Variants in HS3ST3A1 observed in about 807,000 individuals in gnomAD.
The protein encoded by HS3ST3A1 is heparan sulfate glucosamine 3-O-sulfotransferase 3A1.
A neutral mutation model predicts 25.7 loss-of-function variants in HS3ST3A1; 19 were observed. That is an observed-to-expected ratio of 0.74 (90% CI 0.52 to 1.08). The LOEUF is 1.08. Among genes scored for constraint, HS3ST3A1 ranks in the 50% least tolerant of loss-of-function variants. The pLI, the probability that HS3ST3A1 is intolerant of heterozygous loss-of-function variation, is 0.00. For missense variants in HS3ST3A1, 459 were observed against 594.3 expected, an observed-to-expected ratio of 0.77 and a Z score of 2.37; for synonymous variants, 226 against 278.6, an observed-to-expected ratio of 0.81 and a Z score of 1.88.
intron 1 of HS3ST3A1, among the ~76,000 whole-genome samples, chr17:13,553,458 G>T (rs186648735): frequency 3.7e-4 from 57 of 152,274 alleles, no homozygotes; most frequent in African/African-American, 1.2e-3. Flanking sequence ...CTTTGATGAG[G>T]ATACTGTGCC....
intron 1 of HS3ST3A1, among the ~76,000 whole-genome samples, chr17:13,526,477 TATATATATA>T (rs1567614518): frequency 2.3e-4 from 8 of 35,236 alleles, no homozygotes; most frequent in East Asian, 1.1e-3. Context: ...TTAATTTTTA[TATATATATA>T]TATATATATA....
rs753376054 is a variant in HS3ST3A1 at position 13,496,829 on chromosome 17, C to G, written c.600-11G>C. On this transcript the variant is annotated splice_polypyrimidine_tract_variant and intron_variant, in intron 1 of 1. Transcript: ENST00000284110. Reference sequence around the variant, plus strand: ...CTGGGCATCAGGTCCCTGAGAAACGCAAAAAGGCATGTCAGAGATGTGCAG... The same window carrying G: ...CTGGGCATCAGGTCCCTGAGAAACGGAAAAAGGCATGTCAGAGATGTGCAG... The G allele has an allele frequency of 1.2e-6, 2 of 1,607,078 alleles. No individual in the cohort carries two copies. The highest frequency in any genetic ancestry group is 1.7e-6 in the Non-Finnish European group (2 of 1,176,556).
chr17:13,498,316 G>A (rs908121361), intron 1 of HS3ST3A1, among the ~76,000 whole-genome samples: 1 of 152,078 alleles, frequency 6.6e-6, no homozygotes, highest in Non-Finnish European at 1.5e-5. Flanking sequence ...CAAAGTGAAG[G>A]CCTCAAAAGC....
At chr17:13,514,451 T>A (rs1450476307) in intron 1 of HS3ST3A1, among the ~76,000 whole-genome samples, 1 of 152,250 alleles carries the variant, frequency 6.6e-6, no homozygotes, top group Non-Finnish European at 1.5e-5. Context: ...TTTAAAATTA[T>A]GAACAAGTAC....
intron 1 of HS3ST3A1, among the ~76,000 whole-genome samples, chr17:13,570,594 C>T (rs1267889772): frequency 6.6e-6 from 1 of 152,192 alleles, no homozygotes; most frequent in Non-Finnish European, 1.5e-5. Flanking sequence ...GATCCCCCCA[C>T]CTCAGCCAGA....
Position 13,601,857 on chromosome 17 carries a change from C to CGCGGGACCTGTCA in HS3ST3A1, c.-741_-729dup, listed in dbSNP as rs1189615034. The CGCGGGACCTGTCA allele has an allele frequency of 6.5e-6, 1 of 153,052 alleles. No individual in the cohort carries two copies. The highest frequency in any genetic ancestry group is 6.5e-5 in the Admixed American group (1 of 15,288). The allele number at this position is 153,052 out of a possible 1,614,324, so 9.5% of individuals were successfully genotyped here. A position where few individuals can be genotyped will look rare whatever the true frequency, so the allele number is the denominator to read the frequency against. ...CGCGTGGCTGGGCTGGGCTGGGCTG[C>CGCGGGACCTGTCA]GCGGGACCTGTCAGCGGCCCCCGCC... On this transcript the variant is annotated 5_prime_UTR_variant, in exon 1 of 2. Transcript: ENST00000284110.
intron 1 of HS3ST3A1, among the ~76,000 whole-genome samples, chr17:13,514,197 T>C (rs1284948968): frequency 1.3e-5 from 2 of 152,072 alleles, no homozygotes; most frequent in East Asian, 3.8e-4. Flanking sequence ...CCTTGTCTTT[T>C]AGGTAGCAAA....
At chr17:13,522,312 A>G (rs959281527) in intron 1 of HS3ST3A1, among the ~76,000 whole-genome samples, 4 of 151,302 alleles carry the variant, frequency 2.6e-5, no homozygotes, top group Non-Finnish European at 5.9e-5. Context: ...TTACTAAGAG[A>G]TGGGTTATAG....
At chr17:13,502,343 G>C (rs1303730918) in intron 1 of HS3ST3A1, among the ~76,000 whole-genome samples, 1 of 152,142 alleles carries the variant, frequency 6.6e-6, no homozygotes, top group Non-Finnish European at 1.5e-5. Flanking sequence ...CCATGGCTGT[G>C]CCTTAACGAT....
At chr17:13,516,354 T>C (rs1455090086) in intron 1 of HS3ST3A1, among the ~76,000 whole-genome samples, 1 of 152,178 alleles carries the variant, frequency 6.6e-6, no homozygotes, top group Non-Finnish European at 1.5e-5. Flanking sequence ...TCTTTATATA[T>C]TCAAAATAAA....
chr17:13,579,467 G>A (rs1190142129), intron 1 of HS3ST3A1, among the ~76,000 whole-genome samples: 1 of 151,912 alleles, frequency 6.6e-6, no homozygotes, highest in Non-Finnish European at 1.5e-5. Context: ...ATAGGAGGCC[G>A]AGGTGGGCAG....
Position 13,525,479 on chromosome 17 carries a change from C to T in HS3ST3A1, c.600-28661G>A, listed in dbSNP as rs558864594. Among the ~76,000 whole-genome samples, 3 of 151,792 alleles carry T rather than the reference C, an allele frequency of 2.0e-5. No homozygotes were observed. In the East Asian group the frequency reaches 5.8e-4, roughly 29 times the overall value. Reference sequence around the variant, plus strand: ...TTTGTGTGCTGATGTTGTTGTTTTCCCTTGATTAAACTTTTCTCCTTGGAA... The same window carrying T: ...TTTGTGTGCTGATGTTGTTGTTTTCTCTTGATTAAACTTTTCTCCTTGGAA... On this transcript the variant is annotated intron_variant, in intron 1 of 1. Transcript: ENST00000284110.
chr17:13,551,986 C>T (rs1471609118), intron 1 of HS3ST3A1, among the ~76,000 whole-genome samples: 3 of 152,228 alleles, frequency 2.0e-5, no homozygotes, highest in Admixed American at 2.0e-4. Flanking sequence ...CCCACCTGCA[C>T]AGGACACTGA....
intron 1 of HS3ST3A1, among the ~76,000 whole-genome samples, chr17:13,544,921 C>T (rs1907042286): frequency 6.6e-6 from 1 of 152,238 alleles, no homozygotes; most frequent in South Asian, 2.1e-4. Flanking sequence ...CAGCTTGCTG[C>T]ATCCGTAGCT....
At chr17:13,521,884 G>C (rs1345595048) in intron 1 of HS3ST3A1, among the ~76,000 whole-genome samples, 3 of 152,074 alleles carry the variant, frequency 2.0e-5, no homozygotes, top group Non-Finnish European at 4.4e-5. Flanking sequence ...TCTTTGTTTG[G>C]GGGCTGTTCT....
At chr17:13,518,362 A>G (rs1906120530) in intron 1 of HS3ST3A1, among the ~76,000 whole-genome samples, 2 of 152,254 alleles carry the variant, frequency 1.3e-5, no homozygotes, top group South Asian at 4.1e-4. Flanking sequence ...CCAATGGCTT[A>G]GAAAGAGCCC....
chr17:13,596,550 G>A (rs1389602029), intron 1 of HS3ST3A1, among the ~76,000 whole-genome samples: 2 of 151,792 alleles, frequency 1.3e-5, no homozygotes, highest in Non-Finnish European at 2.9e-5. Context: ...TGGGTCCCCA[G>A]CCTGTGACCA....
intron 1 of HS3ST3A1, chr17:13,543,571 T>G (rs566671834): frequency 3.4e-4 from 57 of 167,924 alleles, no homozygotes; most frequent in Middle Eastern, 1.4e-3. Flanking sequence ...GCAAAAGTAA[T>G]TGCAGTTTTT....
At chr17:13,548,652 G>C (rs942727342) in intron 1 of HS3ST3A1, among the ~76,000 whole-genome samples, 2 of 152,186 alleles carry the variant, frequency 1.3e-5, no homozygotes, top group African/African-American at 4.8e-5. Context: ...CGGGGACTTG[G>C]AGAACTTTTC....
Sources: allele counts gnomAD v4.1 joint callset (sites outside exome capture counted in the v4.1 genomes callset), GRCh38; gene constraint gnomAD v4.1.1; transcripts MANE v1.5; gene names NCBI Gene and HGNC (gene_info 2026-07-23, HGNC 2026-07-21).